XYLT1: variants seen among roughly 807,000 people sequenced by gnomAD.
The protein encoded by XYLT1 is beta-D-xylosyltransferase 1.
In XYLT1, 36 loss-of-function variants were observed where a neutral mutation model predicts 91.3. The ratio of observed to expected loss-of-function variants is 0.39; its 90% CI spans 0.30 to 0.52. The LOEUF is 0.52. XYLT1 is among the 20% of genes least tolerant of loss of function. The pLI, the probability that XYLT1 is intolerant of heterozygous loss-of-function variation, is 0.68. For missense variants in XYLT1, 1,242 were observed against 1,284.5 expected (o/e 0.97, Z 0.51); for synonymous variants, 588 against 532.0 (o/e 1.11, Z -1.45).
intron 1 of XYLT1, among the ~76,000 whole-genome samples, chr16:17,407,404 G>A (rs2036047610): frequency 6.6e-6 from 1 of 151,928 alleles, no homozygotes. Context: ...CAAAGTGCCT[G>A]CTAAGCCCAG....
chr16:17,411,387 T>C (rs2036105445), intron 1 of XYLT1, among the ~76,000 whole-genome samples: 1 of 152,226 alleles, frequency 6.6e-6, no homozygotes, highest in South Asian at 2.1e-4. Context: ...TAATTAATTA[T>C]ATCTAAATTT....
At chr16:17,138,133 T>G (rs2030820135) in intron 8 of XYLT1, 14 of 447,584 alleles carry the variant, frequency 3.1e-5, no homozygotes, top group Non-Finnish European at 4.4e-5. Flanking sequence ...TGAAAGGTCA[T>G]TTGTTGTTTT....
intron 1 of XYLT1, among the ~76,000 whole-genome samples, chr16:17,396,017 A>G (rs769709230): frequency 6.6e-6 from 1 of 152,188 alleles, no homozygotes; most frequent in Non-Finnish European, 1.5e-5. Flanking sequence ...CAGATGTTTA[A>G]AAGTAGCCCT....
chr16:17,121,317 A>C (rs1422045464), intron 10 of XYLT1, among the ~76,000 whole-genome samples: 2 of 152,116 alleles, frequency 1.3e-5, no homozygotes, highest in African/African-American at 4.8e-5. Flanking sequence ...CAGCTGACAA[A>C]CAACCTGGAT....
Position 17,346,947 on chromosome 16 carries a change from G to C in XYLT1, c.402+11065C>G, listed in dbSNP as rs73523069. ...ACAGTTCCCAGAAGAAAATGAGAAC[G>C]GGGTTATTATTAATAAGATACTCTT... On this transcript the variant is annotated intron_variant, in intron 2 of 11. Coordinates refer to ENST00000261381, the MANE Select transcript of XYLT1 (RefSeq NM_022166.4). Among the ~76,000 whole-genome samples the C allele has an allele frequency of 7.7e-3, 1,167 of 152,268 alleles. 9 individuals carry two copies. Among genetic ancestry groups the C allele is most frequent in the African/African-American group, 0.027 (1,119 of 41,550 alleles).
intron 2 of XYLT1, among the ~76,000 whole-genome samples, chr16:17,330,388 C>T (rs562004549): frequency 2.0e-5 from 3 of 152,220 alleles, no homozygotes; most frequent in South Asian, 2.1e-4. Context: ...TTACTGGATT[C>T]CAGACCACCA....
intron 3 of XYLT1, among the ~76,000 whole-genome samples, chr16:17,257,162 G>T (rs763393294): frequency 6.6e-6 from 1 of 152,188 alleles, no homozygotes; most frequent in Non-Finnish European, 1.5e-5. Context: ...GGGACAGCTG[G>T]GCTGGCCTTG....
At chr16:17,453,954 G>C (rs1785342900) in intron 1 of XYLT1, among the ~76,000 whole-genome samples, 1 of 152,218 alleles carries the variant, frequency 6.6e-6, no homozygotes, top group African/African-American at 2.4e-5. Flanking sequence ...AAGGGACTAA[G>C]AATGGAAGAA....
chr16:17,203,301 CT>C (rs1394213343), intron 3 of XYLT1, among the ~76,000 whole-genome samples: 1 of 152,202 alleles, frequency 6.6e-6, no homozygotes, highest in African/African-American at 2.4e-5. Flanking sequence ...AGATGAGATG[CT>C]GATTCTAGGT....
chr16:17,356,416 C>T (rs528006929), intron 2 of XYLT1, among the ~76,000 whole-genome samples: 18 of 152,258 alleles, frequency 1.2e-4, no homozygotes, highest in African/African-American at 4.1e-4. Flanking sequence ...CCTGCCGGCC[C>T]TGGCGCCTGG....
rs114365956 is a variant in XYLT1 at position 17,357,803 on chromosome 16, C to T, written c.402+209G>A. ...GGGAGGGGCACCAGACACCTGGGTG[C>T]GAATGTGCACCCATGCACACCCACA... On this transcript the variant is annotated intron_variant, in intron 2 of 11. Coordinates refer to ENST00000261381, the MANE Select transcript of XYLT1 (RefSeq NM_022166.4). Among the ~76,000 whole-genome samples, 505 of 152,340 alleles carry T rather than the reference C, an allele frequency of 3.3e-3. 4 individuals carry two copies. Among genetic ancestry groups the T allele is most frequent in the African/African-American group, 0.012 (487 of 41,586 alleles).
At position 17,470,709 on chromosome 16, in the gene XYLT1, G is replaced by A. The variant is rs948173236; in HGVS notation, c.88C>T (p.Leu30=). The A allele has an allele frequency of 2.6e-6, 3 of 1,167,184 alleles. No individual in the cohort carries two copies. Among genetic ancestry groups the A allele is most frequent in the Middle Eastern group, 3.8e-4 (1 of 2,658 alleles). 72.3% of individuals were successfully genotyped at this position (1,167,184 alleles called of 1,614,324 possible). A position where few individuals can be genotyped will look rare whatever the true frequency, so the allele number is the denominator to read the frequency against. ...AALTVLLLQT[L]VVWNFSSLDS... ...AGGCTGCTGAAATTCCACACGACCAGCGTCTGCAGCAGCAGCACCGTGAGC... is the reference window on the plus strand; with the variant it reads ...AGGCTGCTGAAATTCCACACGACCAACGTCTGCAGCAGCAGCACCGTGAGC... Residue 30 remains leucine (L), a synonymous_variant, in exon 1 of 12, where the codon CTG becomes TTG. Transcript: ENST00000261381.
chr16:17,287,401 T>C (rs1266243628), intron 2 of XYLT1, among the ~76,000 whole-genome samples: 1 of 152,156 alleles, frequency 6.6e-6, no homozygotes, highest in East Asian at 1.9e-4. Flanking sequence ...GGCCACTTCA[T>C]CACAGTCTCA....
At chr16:17,165,009 G>T (rs1022968019) in intron 5 of XYLT1, among the ~76,000 whole-genome samples, 1 of 152,250 alleles carries the variant, frequency 6.6e-6, no homozygotes, top group East Asian at 1.9e-4. Context: ...ACTCCACAGA[G>T]GCAAAAATCT....
At chr16:17,210,439 TG>T (rs1160596201) in intron 3 of XYLT1, among the ~76,000 whole-genome samples, 9 of 152,160 alleles carry the variant, frequency 5.9e-5, no homozygotes, top group Non-Finnish European at 5.9e-5. Context: ...GAGCTGGGCA[TG>T]GTGGTGCACG....
At chr16:17,180,169 T>A (rs2032035120) in intron 5 of XYLT1, among the ~76,000 whole-genome samples, 1 of 152,184 alleles carries the variant, frequency 6.6e-6, no homozygotes, top group Non-Finnish European at 1.5e-5. Context: ...GTCGCTCAGT[T>A]CATGACAAAG....
In XYLT1 at chr16:17,293,959, AGAG is replaced by A. The variant is rs1336562555; in HGVS notation, c.403-34464_403-34462del. On this transcript the variant is annotated intron_variant, in intron 2 of 11. Coordinates refer to ENST00000261381, the MANE Select transcript of XYLT1 (RefSeq NM_022166.4). Reference sequence around the variant, plus strand: ...TGCTCTGAGTACAGGCTCTGGGGTCAGAGAAGAATGGGTCCAGATCCCAGCTCC... The same window carrying A: ...TGCTCTGAGTACAGGCTCTGGGGTCAAAGAATGGGTCCAGATCCCAGCTCC... 2.0e-5 allele frequency among the ~76,000 whole-genome samples: 3 copies of A among 152,342 alleles called. No individual in the cohort carries two copies. In the South Asian group the frequency reaches 6.2e-4, roughly 32 times the overall value.
intron 2 of XYLT1, among the ~76,000 whole-genome samples, chr16:17,273,965 G>A (rs1350470859): frequency 6.6e-6 from 1 of 151,542 alleles, no homozygotes; most frequent in Non-Finnish European, 1.5e-5. Context: ...AGGCTGGAGC[G>A]CAGTAGCATG....
In XYLT1 at chr16:17,103,640, A is replaced by G. The variant is rs1966737066; in HGVS notation, c.*5055T>C. Reference sequence around the variant, plus strand: ...TTTGTTTTTGAAGGAGGGATGGGAGAAGCAAGTTGGAGGAACATGAGGGAT... The same window carrying G: ...TTTGTTTTTGAAGGAGGGATGGGAGGAGCAAGTTGGAGGAACATGAGGGAT... On this transcript the variant is annotated 3_prime_UTR_variant, in exon 12 of 12. Transcript: ENST00000261381. The G allele has an allele frequency of 6.6e-6, 1 of 152,092 alleles. No individual in the cohort carries two copies. The highest frequency in any genetic ancestry group is 6.5e-5 in the Admixed American group (1 of 15,268). 9.4% of individuals were successfully genotyped at this position (152,092 alleles called of 1,614,324 possible).
Sources: gnomAD v4.1 joint callset for allele counts (sites outside exome capture counted in the v4.1 genomes callset) on GRCh38, gnomAD v4.1.1 for gene constraint, MANE v1.5 for transcripts, NCBI Gene and HGNC (gene_info 2026-07-23, HGNC 2026-07-21) for gene names.